ZFP14: variants seen among roughly 807,000 people sequenced by gnomAD.
ZFP14 encodes the protein ZFP14 zinc finger protein.
A neutral mutation model predicts 54.5 loss-of-function variants in ZFP14; 22 were observed. The ratio of observed to expected loss-of-function variants is 0.40; its 90% CI spans 0.29 to 0.58. The LOEUF (loss-of-function observed/expected upper bound fraction) is 0.58, where lower values mean the gene tolerates loss of function less well. Ranked by LOEUF, ZFP14 falls within the 20% of genes least tolerant of loss-of-function variation. The pLI, the probability that ZFP14 is intolerant of heterozygous loss-of-function variation, is 0.39. For missense variants in ZFP14, 470 were observed against 637.8 expected (o/e 0.74, Z 2.83); for synonymous variants, 159 against 204.0 (o/e 0.78, Z 1.88).
intron 4 of ZFP14, among the ~76,000 whole-genome samples, chr19:36,343,150 C>T (rs1186520254): frequency 6.6e-6 from 1 of 152,152 alleles, no homozygotes; most frequent in East Asian, 1.9e-4. Context: ...CTGACTGAAA[C>T]CATCTATAGG....
At position 36,369,828 on chromosome 19, in the gene ZFP14, G is replaced by A. The variant is rs187874719; in HGVS notation, c.-79-1857C>T. ...AAAAAAAGAGGAATAACTAACAGTAGGTTTTGTTTTGTTTTGTTTTTTCAA... is the reference window on the plus strand; with the variant it reads ...AAAAAAAGAGGAATAACTAACAGTAAGTTTTGTTTTGTTTTGTTTTTTCAA... On this transcript the variant is annotated intron_variant, in intron 1 of 4. Transcript: ENST00000270001. Among the ~76,000 whole-genome samples, 150 of 152,140 alleles carry A rather than the reference G, an allele frequency of 9.9e-4. 1 individual carries two copies. The highest frequency in any genetic ancestry group is 3.4e-3 in the African/African-American group (141 of 41,490).
At chr19:36,364,899 C>T (rs547519235) in intron 2 of ZFP14, among the ~76,000 whole-genome samples, 5 of 151,836 alleles carry the variant, frequency 3.3e-5, no homozygotes, top group Non-Finnish European at 5.9e-5. Context: ...GACATTCTAA[C>T]GATTAACCAG....
At position 36,341,882 on chromosome 19, in the gene ZFP14, C is replaced by T. The variant is rs948441156; in HGVS notation, c.236-292G>A. Among the ~76,000 whole-genome samples, 3 of 151,724 alleles carry T rather than the reference C, an allele frequency of 2.0e-5. No individual in the cohort carries two copies. Among genetic ancestry groups the T allele is most frequent in the Non-Finnish European group, 2.9e-5 (2 of 67,958 alleles). ...TTTTTTTTCTTTGGAGATGGAGTCT[C>T]GCTCTGTTGCCCAGGCTGGAGTGCA... On this transcript the variant is annotated intron_variant, in intron 4 of 4. Coordinates refer to ENST00000270001, the MANE Select transcript of ZFP14 (RefSeq NM_020917.3). This position sits in a 1 kb window ranked among gnomAD's most constrained non-coding sequence, Gnocchi z 4.2.
At position 36,351,685 on chromosome 19, in the gene ZFP14, A is replaced by G. The variant is rs1352196201; in HGVS notation, c.235+8750T>C. 2.2e-5 allele frequency among the ~76,000 whole-genome samples: 3 copies of G among 138,486 alleles called. 1 individual carries two copies. The highest frequency in any genetic ancestry group is 4.7e-5 in the Non-Finnish European group (3 of 63,158). The allele number at this position is 138,486 out of a possible 152,430, so 90.9% of individuals were successfully genotyped here. ...AGACCAGCCTGGCCAACACAGTGAG[A>G]CCCCCATCTCTAAAATAAAACAAAT... On this transcript the variant is annotated intron_variant, in intron 4 of 4. Transcript: ENST00000270001.
At chr19:36,364,994 C>CTTTT (rs398034482) in intron 2 of ZFP14, among the ~76,000 whole-genome samples, 78 of 61,974 alleles carry the variant, frequency 1.3e-3, no homozygotes, top group South Asian at 1.9e-3. Flanking sequence ...TTTTCTTTTT[C>CTTTT]TTTTTTTTTT....
At chr19:36,351,850 C>A (rs1396018204) in intron 4 of ZFP14, among the ~76,000 whole-genome samples, 1 of 142,646 alleles carries the variant, frequency 7.0e-6, no homozygotes, top group African/African-American at 2.6e-5. Context: ...TGCAGTGAGA[C>A]CTTGTCTCTA....
At position 36,337,974 on chromosome 19, in the gene ZFP14, C is replaced by T. The variant is rs1322452954; in HGVS notation, c.*2250G>A. The T allele has an allele frequency of 6.6e-6, 1 of 152,138 alleles. No individual in the cohort carries two copies. Among genetic ancestry groups the T allele is most frequent in the Non-Finnish European group, 1.5e-5 (1 of 68,022 alleles). The allele number at this position is 152,138 out of a possible 1,614,324, so 9.4% of individuals were successfully genotyped here. A position where few individuals can be genotyped will look rare whatever the true frequency, so the allele number is the denominator to read the frequency against. On this transcript the variant is annotated 3_prime_UTR_variant, in exon 5 of 5. Transcript: ENST00000270001. ...TCTAATTCCTTCTAGATTTATTAGA[C>T]TTCTTCAAAAAAGAAAAACCCATTC... is the stretch of plus-strand genomic sequence containing the variant.
chr19:36,340,158 A>C lies in ZFP14; in HGVS notation c.*66T>G. On this transcript the variant is annotated 3_prime_UTR_variant, in exon 5 of 5. Transcript: ENST00000270001. This position sits in a 1 kb window ranked among gnomAD's most constrained non-coding sequence, Gnocchi z 5.4. The stretch of plus-strand genomic sequence containing the variant: ...TTATGCTTGGAATTGAGCATGAAAC[A>C]CATTTTCTCAAAAATGAATTTTCTG... 1 of 1,438,708 alleles carries C rather than the reference A, an allele frequency of 7.0e-7. No individual in the cohort carries two copies. The highest frequency in any genetic ancestry group is 2.3e-4 in the Middle Eastern group (1 of 4,274). 89.1% of individuals were successfully genotyped at this position (1,438,708 alleles called of 1,614,324 possible).
In ZFP14 at chr19:36,340,486, G is replaced by T. The variant is rs763200565; in HGVS notation, c.1340C>A (p.Thr447Asn). The T allele has an allele frequency of 5.0e-6, 8 of 1,613,672 alleles. No individual in the cohort carries two copies. The highest frequency in any genetic ancestry group is 5.9e-6 in the Non-Finnish European group (7 of 1,179,816). Residue 447 changes from threonine (T) to asparagine (N), a missense_variant, in exon 5 of 5, where the codon ACT (threonine) becomes AAT (asparagine). Physicochemically the swap from Thr to Asn is moderately conservative, Grantham distance 65. Coordinates refer to ENST00000270001, the MANE Select transcript of ZFP14 (RefSeq NM_020917.3). The surrounding 1 kb of genome is among the most constrained non-coding windows in gnomAD (Gnocchi z 5.4). ...CTTACATTCATAAGGTTTCTCACCA[G>T]TGTGAATACTTTGATGCTGAGTAAG... ...SQLTQHQSIH[T>N]GEKPYECKEC...
At position 36,340,506 on chromosome 19, in the gene ZFP14, A is replaced by C. The variant is rs761536792; in HGVS notation, c.1320T>G (p.Thr440=). The C allele has an allele frequency of 1.2e-6, 2 of 1,613,904 alleles. No homozygotes were observed. The highest frequency in any genetic ancestry group is 4.5e-5 in the East Asian group (2 of 44,864). Reference sequence around the variant, plus strand: ...CACCAGTGTGAATACTTTGATGCTGAGTAAGTTGTGAGAGCAGTCTAAAGG... The same window carrying C: ...CACCAGTGTGAATACTTTGATGCTGCGTAAGTTGTGAGAGCAGTCTAAAGG... The part of the protein sequence containing the change: ...GKAFRLLSQL[T]QHQSIHTGEK... Residue 440 remains threonine, a synonymous_variant, in exon 5 of 5, where the codon ACT becomes ACG. Coordinates refer to ENST00000270001, the MANE Select transcript of ZFP14 (RefSeq NM_020917.3). This position sits in a 1 kb window ranked among gnomAD's most constrained non-coding sequence, Gnocchi z 5.4.
chr19:36,338,172 G>C lies in ZFP14; in HGVS notation c.*2052C>G, dbSNP rs926282385. On this transcript the variant is annotated 3_prime_UTR_variant, in exon 5 of 5. Coordinates refer to ENST00000270001, the MANE Select transcript of ZFP14 (RefSeq NM_020917.3). ...TGCCTGGCTAAATTTTGTATTTTTA[G>C]TACAGACAGGGTTTCACCATGTTAA... The C allele has an allele frequency of 3.9e-5, 6 of 151,994 alleles. No homozygotes were observed. The highest frequency in any genetic ancestry group is 3.3e-4 in the Admixed American group (5 of 15,242). 9.4% of individuals were successfully genotyped at this position (151,994 alleles called of 1,614,324 possible).
At chr19:36,372,336 C>A (rs2031893125) in intron 1 of ZFP14, among the ~76,000 whole-genome samples, 1 of 150,160 alleles carries the variant, frequency 6.7e-6, no homozygotes. Flanking sequence ...AAAAAACCCA[C>A]AAAATTGACA....
In ZFP14 at chr19:36,353,567, C is replaced by T. The variant is rs1464869736; in HGVS notation, c.235+6868G>A. On this transcript the variant is annotated intron_variant, in intron 4 of 4. Coordinates refer to ENST00000270001, the MANE Select transcript of ZFP14 (RefSeq NM_020917.3). Reference sequence around the variant, plus strand: ...TACAAAAATTAGCTGAGCGTGGTAGCGTGTGCCTGTAATCCCAGCTACTCG... The same window carrying T: ...TACAAAAATTAGCTGAGCGTGGTAGTGTGTGCCTGTAATCCCAGCTACTCG... Among the ~76,000 whole-genome samples the T allele has an allele frequency of 5.0e-5, 7 of 139,872 alleles. No homozygotes were observed. The South Asian group carries it at 1.6e-3, about 32-fold the overall frequency. The allele number at this position is 139,872 out of a possible 152,430, so 91.8% of individuals were successfully genotyped here.
intron 1 of ZFP14, chr19:36,378,535 A>G (rs2031998663): frequency 6.6e-6 from 1 of 152,262 alleles, no homozygotes; most frequent in African/African-American, 2.4e-5. Context: ...GAAAAAATAA[A>G]AATTACACTT....
chr19:36,359,780 G>A (rs1440006090), intron 4 of ZFP14, among the ~76,000 whole-genome samples: 1 of 151,982 alleles, frequency 6.6e-6, no homozygotes, highest in African/African-American at 2.4e-5. Flanking sequence ...TCAGCCTCCT[G>A]AGTAGCTGGG....
Position 36,367,851 on chromosome 19 carries a change from T to C in ZFP14, c.9+33A>G, listed in dbSNP as rs1568473477. 5.6e-6 allele frequency: 9 copies of C among 1,606,538 alleles called. No homozygotes were observed. The East Asian group carries it at 1.6e-4, about 28-fold the overall frequency. On this transcript the variant is annotated intron_variant, in intron 2 of 4. Coordinates refer to ENST00000270001, the MANE Select transcript of ZFP14 (RefSeq NM_020917.3). ...ATATACATGATACAGAAATTGACAG[T>C]ATTTCGAAAAGGACAGAGAAACATT...
chr19:36,362,308 T>C (rs1036258627), intron 2 of ZFP14, 70 bp from the exon 3 acceptor site: 22 of 1,509,708 alleles, frequency 1.5e-5, no homozygotes, highest in Admixed American at 4.4e-5. Flanking sequence ...AGAGGGGAGA[T>C]TGAGGATTGC....
chr19:36,359,564 T>C (rs1035016572), intron 4 of ZFP14, among the ~76,000 whole-genome samples: 25 of 146,342 alleles, frequency 1.7e-4, no homozygotes, highest in African/African-American at 6.4e-4. Flanking sequence ...TTCCGGTAAG[T>C]TGTACTTTTC....
At chr19:36,370,776 A>G (rs1369576845) in intron 1 of ZFP14, among the ~76,000 whole-genome samples, 1 of 152,230 alleles carries the variant, frequency 6.6e-6, no homozygotes, top group African/African-American at 2.4e-5. Flanking sequence ...TGCATGGGCT[A>G]TTGATGGGCT....
Sources: allele counts gnomAD v4.1 joint callset (sites outside exome capture counted in the v4.1 genomes callset), GRCh38; gene constraint gnomAD v4.1.1; non-coding constraint Gnocchi (gnomAD v3.1); transcripts MANE v1.5; gene names NCBI Gene and HGNC (gene_info 2026-07-23, HGNC 2026-07-21).